The following TTC39C variants were observed in gnomAD, a reference collection of about 807,000 sequenced individuals.
TTC39C encodes the protein tetratricopeptide repeat domain 39C, also known as tetratricopeptide repeat protein 39C.
In TTC39C, 33 loss-of-function variants were observed where a neutral mutation model predicts 76.3. That is an observed-to-expected ratio of 0.43 (90% CI 0.33 to 0.58). TTC39C has a LOEUF of 0.58. TTC39C is among the 20% of genes least tolerant of loss of function. TTC39C has a pLI of 0.04. For missense variants in TTC39C, 595 were observed against 701.4 expected, an observed-to-expected ratio of 0.85 and a Z score of 1.71; for synonymous variants, 254 against 260.6, an observed-to-expected ratio of 0.97 and a Z score of 0.24.
chr18:24,004,758 C>T (rs1219979666), intron 1 of TTC39C, among the ~76,000 whole-genome samples: 1 of 152,164 alleles, frequency 6.6e-6, no homozygotes, highest in African/African-American at 2.4e-5. Context: ...TGTGCTTTCA[C>T]TCATTTTTCG....
intron 1 of TTC39C, among the ~76,000 whole-genome samples, chr18:24,022,345 C>T (rs530983461): frequency 6.6e-6 from 1 of 152,198 alleles, no homozygotes; most frequent in South Asian, 2.1e-4. Context: ...GAACTTTTCT[C>T]CTTGTTTAAT....
chr18:24,026,066 AG>A (rs2083596698), intron 1 of TTC39C, among the ~76,000 whole-genome samples: 1 of 152,198 alleles, frequency 6.6e-6, no homozygotes, highest in African/African-American at 2.4e-5. Context: ...GCTCCAGAAA[AG>A]TATGGCAGTT....
rs1203178985 is a variant in TTC39C, at chr18:24,120,911, A to G, written c.1186+2679A>G. On this transcript the variant is annotated intron_variant, in intron 8 of 13. Coordinates refer to ENST00000317571, the MANE Select transcript of TTC39C (RefSeq NM_001135993.2). ...CTGAATAATATTCCATTGCATGTAT[A>G]TGGCACATTGTTCATCCATTCATTC... 2.6e-5 allele frequency: 4 copies of G among 152,306 alleles called. No homozygotes were observed. The East Asian group carries it at 7.7e-4, about 29-fold the overall frequency. The allele number at this position is 152,306 out of a possible 1,614,324, so 9.4% of individuals were successfully genotyped here. A position where few individuals can be genotyped will look rare whatever the true frequency, so the allele number is the denominator to read the frequency against.
upstream of TTC39C, chr18:24,014,725 C>T (rs960096743): frequency 1.9e-5 from 22 of 1,129,786 alleles, no homozygotes; most frequent in African/African-American, 2.6e-4. Flanking sequence ...TCCTTCCCTC[C>T]TCTTCCCTCC....
upstream of TTC39C, among the ~76,000 whole-genome samples, chr18:24,014,261 G>A (rs1402542100): frequency 6.6e-6 from 1 of 152,258 alleles, no homozygotes; most frequent in African/African-American, 2.4e-5. Flanking sequence ...GTTACTCGTG[G>A]ACAAAGCGCC....
chr18:24,002,527 C>G (rs1000413520), intron 1 of TTC39C, among the ~76,000 whole-genome samples: 3 of 152,122 alleles, frequency 2.0e-5, no homozygotes, highest in Non-Finnish European at 2.9e-5. Context: ...CCAGAGTGAT[C>G]GTGCAAGATG....
intron 1 of TTC39C, among the ~76,000 whole-genome samples, chr18:23,997,705 A>AGAAAGAAAGAAG: frequency 6.6e-6 from 1 of 151,146 alleles, no homozygotes; most frequent in African/African-American, 2.4e-5. Context: ...AAAGAAAGAA[A>AGAAAGAAAGAAG]GAAAGAAAGA....
intron 1 of TTC39C, among the ~76,000 whole-genome samples, chr18:23,997,657 A>AGAAAGAAG (rs1568398741): frequency 1.7e-5 from 1 of 60,220 alleles, no homozygotes; most frequent in Non-Finnish European, 3.5e-5. Flanking sequence ...GGAAGGAGAA[A>AGAAAGAAG]GAAAGAAAGA....
intron 1 of TTC39C, among the ~76,000 whole-genome samples, chr18:24,049,946 C>T (rs1029984159): frequency 1.3e-5 from 2 of 152,126 alleles, no homozygotes; most frequent in African/African-American, 4.8e-5. Context: ...CTGGGTAGTC[C>T]TAACTCAAGA....
intron 2 of TTC39C, 86 bp downstream of exon 2, chr18:24,064,274 C>T (rs2084138591): frequency 1.4e-6 from 2 of 1,476,074 alleles, no homozygotes; most frequent in South Asian, 2.4e-5. Flanking sequence ...TGTATAGATA[C>T]ACTATTGTAG....
upstream of TTC39C, among the ~76,000 whole-genome samples, chr18:24,009,894 G>A (rs11875310): frequency 2.0e-5 from 3 of 152,188 alleles, no homozygotes; most frequent in Non-Finnish European, 2.9e-5. Flanking sequence ...CATGGTAACT[G>A]CTGTGGTTTC....
chr18:24,126,426 T>TAAAAAAAAAAAA, intron 10 of TTC39C, among the ~76,000 whole-genome samples: 1 of 110,068 alleles, frequency 9.1e-6, no homozygotes, highest in Non-Finnish European at 1.8e-5. Flanking sequence ...CCTATTTCTT[T>TAAAAAAAAAAAA]AAAAAAAAAA....
intron 1 of TTC39C, among the ~76,000 whole-genome samples, chr18:24,050,615 T>TAC (rs998743432): frequency 6.7e-6 from 1 of 148,868 alleles, no homozygotes; most frequent in Non-Finnish European, 1.5e-5. Flanking sequence ...CTCATGCCTG[T>TAC]AATCCCAGCC....
intron 1 of TTC39C, among the ~76,000 whole-genome samples, chr18:24,003,713 C>T (rs2083330980): frequency 6.6e-6 from 1 of 151,448 alleles, no homozygotes; most frequent in Non-Finnish European, 1.5e-5. Flanking sequence ...GCTTGAGTTA[C>T]TTAGTTGAAC....
At chr18:24,131,678 A>C (rs2085131744) in intron 12 of TTC39C, among the ~76,000 whole-genome samples, 1 of 150,210 alleles carries the variant, frequency 6.7e-6, no homozygotes, top group South Asian at 2.1e-4. Flanking sequence ...TGCACACCAC[A>C]CTCCAGCCTG....
At chr18:24,049,968 A>T (rs2083928268) in intron 1 of TTC39C, among the ~76,000 whole-genome samples, 2 of 152,192 alleles carry the variant, frequency 1.3e-5, no homozygotes, top group Admixed American at 1.3e-4. Context: ...AGCATTTGGC[A>T]ATTAAAAGAT....
At chr18:24,109,802 C>A (rs1428607532) in intron 6 of TTC39C, among the ~76,000 whole-genome samples, 1 of 151,950 alleles carries the variant, frequency 6.6e-6, no homozygotes, top group African/African-American at 2.4e-5. Flanking sequence ...GTCGGGAGCT[C>A]GAGACCAGCC....
chr18:24,027,992 A>G (rs1195792247), intron 1 of TTC39C, among the ~76,000 whole-genome samples: 1 of 152,136 alleles, frequency 6.6e-6, no homozygotes, highest in Non-Finnish European at 1.5e-5. Context: ...TTTTGTTTAC[A>G]TCTGGAATGC....
chr18:24,015,044 C>G lies in TTC39C; in HGVS notation c.167+6C>G, dbSNP rs1182700053. 2.8e-6 allele frequency: 4 copies of G among 1,427,794 alleles called. No homozygotes were observed. Among genetic ancestry groups the G allele is most frequent in the Non-Finnish European group, 3.7e-6 (4 of 1,083,168 alleles). 88.4% of individuals were successfully genotyped at this position (1,427,794 alleles called of 1,614,324 possible). ...CAGCTTTTCAAACAATACAGGTGAC[C>G]CACGCGTCCCCGATTCCCCAACCCT... On this transcript the variant is annotated splice_donor_region_variant and intron_variant, in intron 1 of 13. Transcript: ENST00000317571.
Sources: gnomAD v4.1 joint callset for allele counts (sites outside exome capture counted in the v4.1 genomes callset) on GRCh38, gnomAD v4.1.1 for gene constraint, MANE v1.5 for transcripts, NCBI Gene and HGNC (gene_info 2026-07-23, HGNC 2026-07-21) for gene names.